Variants in STAU2 observed in about 807,000 individuals in gnomAD.
STAU2 encodes the protein double-stranded RNA-binding protein Staufen homolog 2.
Under a neutral mutation model 65.9 loss-of-function variants are expected in STAU2, and 20 were observed. The observed-to-expected ratio is 0.30, with a 90% CI of 0.21 to 0.44. STAU2 has a LOEUF of 0.44. STAU2 is among the 20% of genes least tolerant of loss of function. STAU2 has a pLI of 1.00. For missense variants in STAU2, 558 were observed against 683.9 expected (o/e 0.82, Z 2.05); for synonymous variants, 232 against 233.9 (o/e 0.99, Z 0.07).
intron 13 of STAU2, among the ~76,000 whole-genome samples, chr8:73,446,553 G>T (rs1818477806): frequency 6.6e-6 from 1 of 152,222 alleles, no homozygotes. Flanking sequence ...TTCTGTGAAT[G>T]TTTAATTATA....
At chr8:73,668,663 GA>G (rs1443559980) in intron 6 of STAU2, among the ~76,000 whole-genome samples, 7 of 152,116 alleles carry the variant, frequency 4.6e-5, no homozygotes, top group African/African-American at 1.7e-4. Context: ...ATCTGTTAGT[GA>G]AAAGTGCCTC....
chr8:73,691,076 C>T (rs1479572934), intron 4 of STAU2, among the ~76,000 whole-genome samples: 1 of 152,122 alleles, frequency 6.6e-6, no homozygotes, highest in Non-Finnish European at 1.5e-5. Flanking sequence ...CTTGAGATTC[C>T]TGATTGCATC....
At chr8:73,649,869 T>TTATTTATTTATA (rs71269927) in intron 6 of STAU2, among the ~76,000 whole-genome samples, 1 of 71,656 alleles carries the variant, frequency 1.4e-5, no homozygotes, top group African/African-American at 5.5e-5. Context: ...CTATATAATT[T>TTATTTATTTATA]TATATATATA....
chr8:73,597,547 G>A (rs1308921653), intron 10 of STAU2, among the ~76,000 whole-genome samples: 2 of 150,692 alleles, frequency 1.3e-5, no homozygotes, highest in African/African-American at 2.4e-5. Flanking sequence ...GCAAGTGCCT[G>A]TAATCCCAGC....
intron 13 of STAU2, among the ~76,000 whole-genome samples, chr8:73,458,439 G>T (rs1027841414): frequency 6.6e-6 from 1 of 152,118 alleles, no homozygotes; most frequent in African/African-American, 2.4e-5. Flanking sequence ...ACAGAAACAA[G>T]AAAGAAAGAG....
At chr8:73,568,912 T>C (rs1808823954) in intron 12 of STAU2, among the ~76,000 whole-genome samples, 1 of 152,192 alleles carries the variant, frequency 6.6e-6, no homozygotes, top group Admixed American at 6.5e-5. Flanking sequence ...GTGTGAGCGA[T>C]GCAGAAGACG....
chr8:73,525,991 T>C (rs538381703), intron 13 of STAU2, among the ~76,000 whole-genome samples: 111 of 152,312 alleles, frequency 7.3e-4, no homozygotes, highest in Admixed American at 1.2e-3. Context: ...ATTTAGGCCA[T>C]GCCCCTCAGG....
chr8:73,728,021 G>A (rs1805775183), intron 3 of STAU2: 1 of 152,142 alleles, frequency 6.6e-6, no homozygotes, highest in South Asian at 2.1e-4. Flanking sequence ...TCTATTCCAA[G>A]TCCTTTGCCC....
At chr8:73,715,307 T>C (rs1821174375) in intron 3 of STAU2, among the ~76,000 whole-genome samples, 1 of 151,394 alleles carries the variant, frequency 6.6e-6, no homozygotes, top group Admixed American at 6.6e-5. Context: ...AATACAAAAA[T>C]CAGCCAGGCA....
intron 13 of STAU2, among the ~76,000 whole-genome samples, chr8:73,495,276 G>A (rs1388549474): frequency 6.6e-6 from 1 of 151,506 alleles, no homozygotes; most frequent in Non-Finnish European, 1.5e-5. Flanking sequence ...TACCTGTTAA[G>A]TGCTGTTAGA....
intron 13 of STAU2, among the ~76,000 whole-genome samples, chr8:73,460,543 T>C (rs1019206772): frequency 3.3e-5 from 5 of 152,244 alleles, no homozygotes; most frequent in African/African-American, 9.6e-5. Flanking sequence ...TAAATAATTA[T>C]TACATTGGCC....
At chr8:73,454,551 G>A (rs905803063) in intron 13 of STAU2, among the ~76,000 whole-genome samples, 1 of 152,166 alleles carries the variant, frequency 6.6e-6, no homozygotes, top group African/African-American at 2.4e-5. Context: ...CAAGGGTAGT[G>A]AAGATTAGGA....
chr8:73,720,298 T>G (rs567487580), intron 3 of STAU2, among the ~76,000 whole-genome samples: 1 of 146,280 alleles, frequency 6.8e-6, no homozygotes, highest in East Asian at 2.1e-4. Context: ...GGTTATCCAT[T>G]TTCTTCTTCT....
chr8:73,577,565 A>C (rs1809668088), intron 12 of STAU2, among the ~76,000 whole-genome samples: 1 of 152,012 alleles, frequency 6.6e-6, no homozygotes, highest in Non-Finnish European at 1.5e-5. Context: ...CTGATTATAA[A>C]ACCAGTATAT....
intron 6 of STAU2, among the ~76,000 whole-genome samples, chr8:73,660,207 G>A (rs1195682316): frequency 5.3e-5 from 8 of 152,056 alleles, no homozygotes; most frequent in African/African-American, 1.9e-4. Flanking sequence ...TGAGGTGGGC[G>A]GATCACAAGG....
chr8:73,613,739 C>A lies in STAU2; in HGVS notation c.891+5G>T. On this transcript the variant is annotated splice_donor_5th_base_variant and intron_variant, in intron 9 of 14. Coordinates refer to ENST00000524300, the MANE Select transcript of STAU2 (RefSeq NM_001164380.2). ...ACTGACTGATGTTCACAAATATAAA[C>A]TTACCTTTACTATTGTTTTAGGGCG... is the stretch of plus-strand genomic sequence containing the variant. 3 of 1,598,488 alleles carry A rather than the reference C, an allele frequency of 1.9e-6. No individual in the cohort carries two copies. The highest frequency in any genetic ancestry group is 1.7e-6 in the Non-Finnish European group (2 of 1,174,294).
intron 13 of STAU2, among the ~76,000 whole-genome samples, chr8:73,504,147 G>T (rs1187908912): frequency 6.6e-6 from 1 of 152,026 alleles, no homozygotes; most frequent in East Asian, 1.9e-4. Context: ...TAGTCAGTAG[G>T]ACCTCCAGAA....
chr8:73,423,307 C>T (rs1223398037), intron 13 of STAU2, among the ~76,000 whole-genome samples: 4 of 152,146 alleles, frequency 2.6e-5, no homozygotes, highest in African/African-American at 7.2e-5. Flanking sequence ...TTGATAGGCT[C>T]GGGGTGCGTG....
chr8:73,550,619 T>C, intron 13 of STAU2: 1 of 979,170 alleles, frequency 1.0e-6, no homozygotes, highest in South Asian at 4.7e-5. Context: ...TACTTAGCTT[T>C]TTTCCAGTAC....
Sources: gnomAD v4.1 joint callset for allele counts (sites outside exome capture counted in the v4.1 genomes callset) on GRCh38, gnomAD v4.1.1 for gene constraint, MANE v1.5 for transcripts, NCBI Gene and HGNC (gene_info 2026-07-23, HGNC 2026-07-21) for gene names.